Variants in DNAJC5B observed in about 807,000 individuals in gnomAD.
DNAJC5B encodes dnaJ homolog subfamily C member 5B.
DNAJC5B carries 23 observed loss-of-function variants against 24.7 expected under a neutral mutation model. The observed-to-expected ratio is 0.93, with a 90% CI of 0.67 to 1.32. The LOEUF is 1.32. DNAJC5B is among the 40% of genes most tolerant of loss of function. The pLI is 0.00. For missense variants in DNAJC5B, 238 were observed against 240.8 expected, an observed-to-expected ratio of 0.99 and a Z score of 0.08; for synonymous variants, 101 against 90.1, an observed-to-expected ratio of 1.12 and a Z score of -0.68.
intron 3 of DNAJC5B, among the ~76,000 whole-genome samples, chr8:66,062,680 G>C (rs1210950724): frequency 6.6e-6 from 1 of 152,166 alleles, no homozygotes; most frequent in Non-Finnish European, 1.5e-5. Flanking sequence ...ATTGGAGTGA[G>C]GCTGGCTGTG....
At chr8:66,093,113 A>C (rs1387607313) in intron 5 of DNAJC5B, among the ~76,000 whole-genome samples, 2 of 152,152 alleles carry the variant, frequency 1.3e-5, no homozygotes, top group African/African-American at 4.8e-5. Context: ...TTTTGGGAGA[A>C]CATCCCATAA....
chr8:66,040,300 G>A (rs914192076), intron 1 of DNAJC5B, among the ~76,000 whole-genome samples: 4 of 152,026 alleles, frequency 2.6e-5, no homozygotes, highest in Non-Finnish European at 5.9e-5. Context: ...TGAGGCAGGG[G>A]AATCACCTGA....
At chr8:66,089,752 A>G (rs1262515582) in intron 5 of DNAJC5B, among the ~76,000 whole-genome samples, 1 of 152,190 alleles carries the variant, frequency 6.6e-6, no homozygotes, top group Non-Finnish European at 1.5e-5. Context: ...ATCGGAAAGT[A>G]TAATCCAGCT....
At chr8:66,079,742 G>A (rs192349912) in intron 4 of DNAJC5B, among the ~76,000 whole-genome samples, 3 of 152,274 alleles carry the variant, frequency 2.0e-5, no homozygotes, top group South Asian at 2.1e-4. Flanking sequence ...TCAGCAATGC[G>A]CAGCATGGAT....
intron 3 of DNAJC5B, among the ~76,000 whole-genome samples, chr8:66,072,236 G>A (rs965351879): frequency 3.3e-5 from 5 of 151,986 alleles, no homozygotes; most frequent in Admixed American, 6.6e-5. Context: ...ACAGTTATAA[G>A]TTTATGGGCT....
intron 4 of DNAJC5B, among the ~76,000 whole-genome samples, chr8:66,080,085 T>C (rs1008525754): frequency 1.3e-5 from 2 of 152,272 alleles, no homozygotes; most frequent in East Asian, 1.9e-4. Context: ...CTCTTAGTAA[T>C]GATCACCATA....
At chr8:66,037,247 A>G (rs1345648154) in intron 1 of DNAJC5B, among the ~76,000 whole-genome samples, 1 of 152,170 alleles carries the variant, frequency 6.6e-6, no homozygotes, top group Non-Finnish European at 1.5e-5. Context: ...GCCCTCTGGT[A>G]GCTTCCCACT....
At chr8:66,069,382 C>A (rs1312211763) in intron 3 of DNAJC5B, among the ~76,000 whole-genome samples, 2 of 151,980 alleles carry the variant, frequency 1.3e-5, no homozygotes, top group Non-Finnish European at 2.9e-5. Flanking sequence ...AGATGCTATG[C>A]AGATGCTTAC....
chr8:66,060,660 A>T (rs1807061289), intron 3 of DNAJC5B, among the ~76,000 whole-genome samples: 1 of 152,156 alleles, frequency 6.6e-6, no homozygotes, highest in Non-Finnish European at 1.5e-5. Flanking sequence ...CACATAAAGG[A>T]CCTTCACTCC....
At chr8:66,069,638 G>A (rs2094874195) in intron 3 of DNAJC5B, among the ~76,000 whole-genome samples, 1 of 152,184 alleles carries the variant, frequency 6.6e-6, no homozygotes, top group African/African-American at 2.4e-5. Context: ...GTACAAAGAG[G>A]AGCTGGTACC....
chr8:66,050,765 T>C lies in DNAJC5B; in HGVS notation c.-17-766T>C, dbSNP rs1806827312. Among the ~76,000 whole-genome samples the C allele has an allele frequency of 2.6e-5, 4 of 152,250 alleles. No individual in the cohort carries two copies. In the South Asian group the frequency reaches 8.3e-4, roughly 31 times the overall value. Reference sequence around the variant, plus strand: ...CCAAAAGGCATTTGTTAAGATGGCCTAGATGGCCTCTAACTCTATATTCTT... The same window carrying C: ...CCAAAAGGCATTTGTTAAGATGGCCCAGATGGCCTCTAACTCTATATTCTT... On this transcript the variant is annotated intron_variant, in intron 2 of 5. Coordinates refer to ENST00000276570, the MANE Select transcript of DNAJC5B (RefSeq NM_033105.6).
intron 5 of DNAJC5B, among the ~76,000 whole-genome samples, chr8:66,090,231 T>C (rs573468635): frequency 6.7e-6 from 1 of 149,902 alleles, no homozygotes; most frequent in African/African-American, 2.4e-5. Flanking sequence ...TATGTGTATG[T>C]AGTGTGTGTG....
chr8:66,029,316 G>T (rs1019609499), intron 1 of DNAJC5B, among the ~76,000 whole-genome samples: 33 of 152,212 alleles, frequency 2.2e-4, no homozygotes, highest in African/African-American at 8.0e-4. Context: ...AGAGACAATG[G>T]TGTATTCATG....
At chr8:66,022,910 T>C (rs879929230) in intron 1 of DNAJC5B, among the ~76,000 whole-genome samples, 8 of 152,360 alleles carry the variant, frequency 5.3e-5, no homozygotes, top group African/African-American at 1.7e-4. Flanking sequence ...GCTTCCTTCA[T>C]TGATAGCCAT....
At chr8:66,036,386 C>T in intron 1 of DNAJC5B, among the ~76,000 whole-genome samples, 1 of 152,176 alleles carries the variant, frequency 6.6e-6, no homozygotes, top group East Asian at 1.9e-4. Flanking sequence ...TCCCTTCAGA[C>T]AGAAGCCTTA....
chr8:66,093,255 C>T (rs115289639), intron 5 of DNAJC5B, among the ~76,000 whole-genome samples: 1,601 of 152,206 alleles, frequency 0.011, 31 homozygotes, highest in African/African-American at 0.036. Flanking sequence ...TAGGTATATA[C>T]GGAGGATGCA....
rs1167574973 is a variant in DNAJC5B at position 66,062,688 on chromosome 8, G to T, written c.119+11022G>T. On this transcript the variant is annotated intron_variant, in intron 3 of 5. Coordinates refer to ENST00000276570, the MANE Select transcript of DNAJC5B (RefSeq NM_033105.6). The stretch of plus-strand genomic sequence containing the variant: ...CCACAAAATTGGAGTGAGGCTGGCT[G>T]TGGTGGCTGTTGCCTGTAATCCCAG... Among the ~76,000 whole-genome samples, 6 of 152,330 alleles carry T rather than the reference G, an allele frequency of 3.9e-5. No individual in the cohort carries two copies. In the East Asian group the frequency reaches 9.6e-4, roughly 24 times the overall value.
chr8:66,036,645 C>G (rs370718126), intron 1 of DNAJC5B, among the ~76,000 whole-genome samples: 2 of 152,158 alleles, frequency 1.3e-5, no homozygotes, highest in South Asian at 4.1e-4. Context: ...GAAGTTGTAA[C>G]TCCTGTTTAC....
chr8:66,045,819 G>A (rs1202785116), intron 2 of DNAJC5B, among the ~76,000 whole-genome samples: 4 of 152,130 alleles, frequency 2.6e-5, no homozygotes, highest in Non-Finnish European at 5.9e-5. Context: ...AAAAGATACT[G>A]GACAGGATTC....
Sources: gnomAD v4.1 joint callset for allele counts (sites outside exome capture counted in the v4.1 genomes callset) on GRCh38, gnomAD v4.1.1 for gene constraint, MANE v1.5 for transcripts, NCBI Gene and HGNC (gene_info 2026-07-23, HGNC 2026-07-21) for gene names.